Variants in ADGRV1 observed in about 807,000 individuals in gnomAD.
ADGRV1 encodes the protein adhesion G protein-coupled receptor V1, also known as G-protein coupled receptor 98.
In ADGRV1, 359 loss-of-function variants were observed where a neutral mutation model predicts 596.2. The observed-to-expected ratio is 0.60, with a 90% CI of 0.55 to 0.66. ADGRV1 has a LOEUF of 0.66. Among genes scored for constraint, ADGRV1 ranks in the 30% least tolerant of loss-of-function variants. ADGRV1 has a pLI of 0.00. For missense variants in ADGRV1, 7,274 were observed against 7,575.6 expected, an observed-to-expected ratio of 0.96 and a Z score of 1.48; for synonymous variants, 2,681 against 2,679.2, an observed-to-expected ratio of 1.00 and a Z score of -0.02.
chr5:90,859,178 T>C (rs1194357274), intron 82 of ADGRV1, among the ~76,000 whole-genome samples: 1 of 152,114 alleles, frequency 6.6e-6, no homozygotes, highest in East Asian at 1.9e-4. Flanking sequence ...TCCTACTATA[T>C]TGCTCAGGCT....
At position 90,961,274 on chromosome 5, in the gene ADGRV1, G is replaced by C. The variant is rs187822397; in HGVS notation, c.17857-4141G>C. On this transcript the variant is annotated intron_variant, in intron 83 of 89. Transcript: ENST00000405460. ...CCAGCACTTTGGGAGGCCGAAGCGG[G>C]CGGATCATGAGGTCAGGAGAGCGAG... Among the ~76,000 whole-genome samples, 877 of 152,186 alleles carry C rather than the reference G, an allele frequency of 5.8e-3. 2 individuals carry two copies. The highest frequency in any genetic ancestry group is 6.8e-3 in the Non-Finnish European group (461 of 68,012).
intron 83 of ADGRV1, among the ~76,000 whole-genome samples, chr5:90,881,145 T>C: frequency 6.6e-6 from 1 of 152,222 alleles, no homozygotes; most frequent in East Asian, 1.9e-4. Context: ...CTTTAGTTGA[T>C]AATTGATGGA....
At chr5:90,563,950 TC>T (rs2151942407) in intron 1 of ADGRV1, among the ~76,000 whole-genome samples, 1 of 152,346 alleles carries the variant, frequency 6.6e-6, no homozygotes, top group African/African-American at 2.4e-5. Context: ...GATGATATTT[TC>T]CTGTAATCCA....
chr5:90,791,572 C>CACT (rs1203953187), intron 70 of ADGRV1: 6 of 515,596 alleles, frequency 1.2e-5, no homozygotes, highest in African/African-American at 7.6e-5. Context: ...AAGTAACAGA[C>CACT]ACTTATTTAA....
chr5:90,626,935 T>C (rs1764835675), intron 6 of ADGRV1, among the ~76,000 whole-genome samples: 1 of 152,202 alleles, frequency 6.6e-6, no homozygotes, highest in Non-Finnish European at 1.5e-5. Flanking sequence ...TTTGGAGTTA[T>C]CTAAGGACCA....
chr5:90,993,691 C>A (rs1246358360), intron 85 of ADGRV1, among the ~76,000 whole-genome samples: 2 of 151,802 alleles, frequency 1.3e-5, no homozygotes, highest in African/African-American at 2.4e-5. Context: ...ATCTCGTTGT[C>A]TTTGGCTTTC....
At chr5:91,033,110 G>A (rs2662281) in intron 85 of ADGRV1, among the ~76,000 whole-genome samples, 52,951 of 151,946 alleles carry the variant, frequency 0.35, 9,485 homozygotes, top group East Asian at 0.51. Flanking sequence ...TCTATGAACT[G>A]AGCTTTTTGT....
rs1289050818 is a variant in ADGRV1, at chr5:90,721,077, T to G, written c.9748+18T>G. The stretch of plus-strand genomic sequence containing the variant: ...TGGCATGAGTATGTTTCATTTCTTA[T>G]GAGAACAAAATTCTGTAACGAAAAA... On this transcript the variant is annotated intron_variant, in intron 45 of 89. Coordinates refer to ENST00000405460, the MANE Select transcript of ADGRV1 (RefSeq NM_032119.4). 1.9e-6 allele frequency: 3 copies of G among 1,604,786 alleles called. No individual in the cohort carries two copies. Among genetic ancestry groups the G allele is most frequent in the Non-Finnish European group, 2.6e-6 (3 of 1,175,474 alleles).
At chr5:90,931,200 C>G (rs1050103642) in intron 83 of ADGRV1, 1 of 152,146 alleles carries the variant, frequency 6.6e-6, no homozygotes, top group African/African-American at 2.4e-5. Context: ...GAGAATGAAA[C>G]AGCAGTTTAA....
chr5:90,883,808 T>C (rs1294778216), intron 83 of ADGRV1, among the ~76,000 whole-genome samples: 1 of 152,168 alleles, frequency 6.6e-6, no homozygotes, highest in Non-Finnish European at 1.5e-5. Context: ...TTGCAGTAAC[T>C]AGACCTCTGC....
intron 83 of ADGRV1, among the ~76,000 whole-genome samples, chr5:90,893,839 G>T (rs763114547): frequency 2.0e-5 from 3 of 152,034 alleles, no homozygotes; most frequent in Non-Finnish European, 1.5e-5. Flanking sequence ...AGTGACAAAA[G>T]GTTGTTCATT....
intron 26 of ADGRV1, among the ~76,000 whole-genome samples, chr5:90,680,677 C>T (rs1744819793): frequency 6.6e-6 from 1 of 152,164 alleles, no homozygotes; most frequent in Admixed American, 6.5e-5. Context: ...CTAATGCAAC[C>T]TCTGTAGTTA....
At chr5:90,896,116 ATAAAT>A (rs1483889389) in intron 83 of ADGRV1, among the ~76,000 whole-genome samples, 1 of 151,898 alleles carries the variant, frequency 6.6e-6, no homozygotes, top group Non-Finnish European at 1.5e-5. Flanking sequence ...TTAAACTGTG[ATAAAT>A]TAATTTAAAT....
intron 59 of ADGRV1, among the ~76,000 whole-genome samples, chr5:90,771,258 A>G (rs991141307): frequency 1.1e-4 from 16 of 152,226 alleles, no homozygotes; most frequent in Non-Finnish European, 1.9e-4. Context: ...CTCTTGAGAT[A>G]TGGGAAGTAG....
intron 22 of ADGRV1, 177 bp downstream of exon 22, chr5:90,672,899 TAG>T (rs1346640101): frequency 1.9e-6 from 1 of 529,026 alleles, no homozygotes; most frequent in Non-Finnish European, 3.3e-6. Flanking sequence ...CTTTATCAGG[TAG>T]AGTTAGTTTC....
chr5:91,075,910 C>A (rs1287091918), intron 86 of ADGRV1, among the ~76,000 whole-genome samples: 1 of 152,152 alleles, frequency 6.6e-6, no homozygotes, highest in Admixed American at 6.6e-5. Context: ...TTCTGACATG[C>A]CAATCTATTT....
chr5:91,045,409 G>T (rs1785717214), intron 85 of ADGRV1, among the ~76,000 whole-genome samples: 1 of 152,066 alleles, frequency 6.6e-6, no homozygotes, highest in African/African-American at 2.4e-5. Flanking sequence ...AATGTGGTAT[G>T]CCACATAAGC....
At chr5:90,697,646 G>A (rs933351931) in intron 34 of ADGRV1, among the ~76,000 whole-genome samples, 1 of 152,190 alleles carries the variant, frequency 6.6e-6, no homozygotes, top group Non-Finnish European at 1.5e-5. Flanking sequence ...TATGAACAAA[G>A]TGCCAAACCT....
intron 85 of ADGRV1, among the ~76,000 whole-genome samples, chr5:90,997,499 A>G (rs1781517038): frequency 6.6e-6 from 1 of 152,164 alleles, no homozygotes; most frequent in Admixed American, 6.5e-5. Context: ...CTATAAGTCA[A>G]TTAAACCTCT....
Sources: gnomAD v4.1 joint callset for allele counts (sites outside exome capture counted in the v4.1 genomes callset) on GRCh38, gnomAD v4.1.1 for gene constraint, MANE v1.5 for transcripts, NCBI Gene and HGNC (gene_info 2026-07-23, HGNC 2026-07-21) for gene names.